The following DRC10 variants were observed in gnomAD, a reference collection of about 807,000 sequenced individuals.
DRC10 encodes the protein dynein regulatory complex subunit 10, also known as IQ domain-containing protein D.
chr12:113,200,395 G>C, the DRC10 span: 2 of 702,078 alleles, frequency 2.8e-6, no homozygotes. Flanking sequence ...CCTCCCAGGA[G>C]ACACTGGCTT....
chr12:113,200,633 G>A, the DRC10 span: 2 of 1,536,102 alleles, frequency 1.3e-6, no homozygotes, highest in Non-Finnish European at 1.7e-6. Context: ...TTGTAAAACT[G>A]TGACTGCAGC....
At chr12:113,205,122 T>A in the DRC10 span, among the ~76,000 whole-genome samples, 1 of 152,078 alleles carries the variant, frequency 6.6e-6, no homozygotes, top group Non-Finnish European at 1.5e-5. Flanking sequence ...CTTTAATTCC[T>A]ACCTTCCTTA....
chr12:113,200,437 C>T, the DRC10 span: 1 of 760,696 alleles, frequency 1.3e-6, no homozygotes, highest in Non-Finnish European at 2.3e-6. Context: ...CTGTGCCCTT[C>T]CCCTCCACCA....
At chr12:113,220,307 G>A in the DRC10 span, among the ~76,000 whole-genome samples, 2 of 152,176 alleles carry the variant, frequency 1.3e-5, no homozygotes, top group African/African-American at 4.8e-5. Context: ...CCGGGCTGGA[G>A]TGCAATGGCG....
At chr12:113,200,549 C>CA in the DRC10 span, 1 of 1,469,780 alleles carries the variant, frequency 6.8e-7, no homozygotes, top group Non-Finnish European at 9.2e-7. Context: ...CAGGGGCCCC[C>CA]TCGGCCCATC....
At chr12:113,198,776 T>C in the DRC10 span, among the ~76,000 whole-genome samples, 1 of 152,134 alleles carries the variant, frequency 6.6e-6, no homozygotes, top group Non-Finnish European at 1.5e-5. Flanking sequence ...AAAATGGTTT[T>C]ATGTTATGTA....
At chr12:113,208,424 A>T in the DRC10 span, 15 of 1,176,604 alleles carry the variant, frequency 1.3e-5, no homozygotes, top group Non-Finnish European at 1.6e-5. Flanking sequence ...TGAGGGTGTT[A>T]GGGCCACAAG....
chr12:113,208,434 G>A, the DRC10 span: 1 of 1,110,866 alleles, frequency 9.0e-7, no homozygotes. Context: ...AGGGCCACAA[G>A]GGCAGGAAGA....
chr12:113,207,419 C>A, the DRC10 span: 7 of 1,579,164 alleles, frequency 4.4e-6, no homozygotes, highest in Non-Finnish European at 6.1e-6. Flanking sequence ...GTAATTTCAG[C>A]AATACTATGA....
chr12:113,201,606 C>T, the DRC10 span, among the ~76,000 whole-genome samples: 3 of 152,222 alleles, frequency 2.0e-5, no homozygotes, highest in Non-Finnish European at 2.9e-5. Context: ...CCATGTCTGG[C>T]TTGTCCCCTG....
the DRC10 span, among the ~76,000 whole-genome samples, chr12:113,217,210 C>T: frequency 2.6e-5 from 4 of 152,192 alleles, no homozygotes; most frequent in African/African-American, 9.7e-5. Flanking sequence ...TTAACAATTT[C>T]TCATTCTTTA....
chr12:113,212,572 C>T, the DRC10 span, among the ~76,000 whole-genome samples: 2 of 152,170 alleles, frequency 1.3e-5, no homozygotes, highest in Admixed American at 6.5e-5. Context: ...CGGCTGGAAA[C>T]GCAACGTTAC....
chr12:113,220,376 C>T, the DRC10 span, among the ~76,000 whole-genome samples: 4 of 152,122 alleles, frequency 2.6e-5, no homozygotes, highest in Admixed American at 2.0e-4. Flanking sequence ...GTGCCTTAGC[C>T]TCCCGAGTAG....
the DRC10 span, chr12:113,207,948 T>C: frequency 6.2e-7 from 1 of 1,614,114 alleles, no homozygotes; most frequent in East Asian, 2.2e-5. Context: ...CTCTGTTGGA[T>C]GCCACATACG....
the DRC10 span, among the ~76,000 whole-genome samples, chr12:113,204,726 A>G: frequency 6.6e-6 from 1 of 152,168 alleles, no homozygotes; most frequent in Non-Finnish European, 1.5e-5. Flanking sequence ...CCAGGAATTC[A>G]AGAACAGCCT....
At chr12:113,209,244 G>A in the DRC10 span, among the ~76,000 whole-genome samples, 1 of 152,132 alleles carries the variant, frequency 6.6e-6, no homozygotes, top group East Asian at 1.9e-4. Context: ...AAAATTGGTG[G>A]GTGAAATATA....
chr12:113,220,093 G>A, the DRC10 span, among the ~76,000 whole-genome samples: 1 of 152,060 alleles, frequency 6.6e-6, no homozygotes, highest in Non-Finnish European at 1.5e-5. Flanking sequence ...CCAAAGTGCT[G>A]GGATTACAGG....
the DRC10 span, among the ~76,000 whole-genome samples, chr12:113,205,797 G>A: frequency 6.6e-6 from 1 of 150,908 alleles, no homozygotes; most frequent in African/African-American, 2.4e-5. Flanking sequence ...GCTGAGGCAG[G>A]AGAATGGCGT....
the DRC10 span, among the ~76,000 whole-genome samples, chr12:113,204,998 C>T: frequency 6.6e-6 from 1 of 152,016 alleles, no homozygotes. Flanking sequence ...GGTTCACGCC[C>T]TCGCATTCTT....
Sources: allele counts gnomAD v4.1 joint callset (sites outside exome capture counted in the v4.1 genomes callset), GRCh38; gene constraint gnomAD v4.1.1; transcripts MANE v1.5; gene names NCBI Gene and HGNC (gene_info 2026-07-23, HGNC 2026-07-21).